Variants in TESK2 observed in about 807,000 individuals in gnomAD.
TESK2 encodes the protein testis associated actin remodelling kinase 2, also known as dual specificity testis-specific protein kinase 2.
Under a neutral mutation model 57.1 loss-of-function variants are expected in TESK2, and 39 were observed. The observed-to-expected ratio is 0.68, with a 90% confidence interval of 0.53 to 0.89. The LOEUF (loss-of-function observed/expected upper bound fraction) is 0.89. Among genes scored for constraint, TESK2 ranks in the 40% least tolerant of loss-of-function variants. The probability of loss-of-function intolerance (pLI) is 0.00; values close to 1 mark genes in which losing one functional copy is unlikely to be tolerated. For synonymous variants in TESK2, 249 were observed against 267.9 expected, an observed-to-expected ratio of 0.93 and a Z score of 0.69; for missense variants, 646 against 732.1, an observed-to-expected ratio of 0.88 and a Z score of 1.36.
intron 3 of TESK2, among the ~76,000 whole-genome samples, chr1:45,417,022 G>A (rs1420760043): frequency 2.6e-5 from 4 of 151,872 alleles, no homozygotes; most frequent in South Asian, 4.2e-4. Flanking sequence ...TCTTGACCTC[G>A]TGATCCACCC....
intron 1 of TESK2, among the ~76,000 whole-genome samples, chr1:45,468,660 T>A (rs1015380806): frequency 6.6e-6 from 1 of 152,224 alleles, no homozygotes; most frequent in East Asian, 1.9e-4. Context: ...ACTAATAGTG[T>A]CCCTCAAAGT....
At chr1:45,373,055 A>T (rs922719814) in intron 4 of TESK2, among the ~76,000 whole-genome samples, 7 of 151,726 alleles carry the variant, frequency 4.6e-5, no homozygotes, top group African/African-American at 1.7e-4. Context: ...AAAGAAAAGA[A>T]AAAGGTCTGG....
At chr1:45,391,390 T>C (rs894566069) in intron 3 of TESK2, among the ~76,000 whole-genome samples, 3 of 151,992 alleles carry the variant, frequency 2.0e-5, no homozygotes, top group African/African-American at 7.3e-5. Context: ...GCAAATTTTT[T>C]AATTTTTTAA....
chr1:45,469,679 C>T (rs1308818594), intron 1 of TESK2, among the ~76,000 whole-genome samples: 8 of 152,212 alleles, frequency 5.3e-5, no homozygotes, highest in African/African-American at 1.9e-4. Context: ...CTACCAGTCT[C>T]TGAGGCAAAA....
intron 1 of TESK2, among the ~76,000 whole-genome samples, chr1:45,463,544 G>GT (rs1354133147): frequency 1.3e-5 from 2 of 151,950 alleles, no homozygotes; most frequent in Non-Finnish European, 2.9e-5. Context: ...TTTATTTCTG[G>GT]GTTCTCTATT....
At chr1:45,395,463 G>A (rs1649317740) in intron 3 of TESK2, among the ~76,000 whole-genome samples, 1 of 152,170 alleles carries the variant, frequency 6.6e-6, no homozygotes, top group Non-Finnish European at 1.5e-5. Flanking sequence ...CATCATGTAT[G>A]CGGTCTGTTG....
At chr1:45,435,852 T>C (rs1230038460) in intron 2 of TESK2, among the ~76,000 whole-genome samples, 5 of 152,014 alleles carry the variant, frequency 3.3e-5, no homozygotes, top group African/African-American at 1.2e-4. Flanking sequence ...TTCATTCTTC[T>C]GCATATATAA....
At chr1:45,420,682 T>A (rs1244553078) in intron 3 of TESK2, among the ~76,000 whole-genome samples, 1 of 151,588 alleles carries the variant, frequency 6.6e-6, no homozygotes, top group Admixed American at 6.6e-5. Flanking sequence ...CTTCCCGGGT[T>A]CAAGCAATTC....
At chr1:45,351,142 T>C (rs940346068) in intron 5 of TESK2, among the ~76,000 whole-genome samples, 1 of 152,220 alleles carries the variant, frequency 6.6e-6, no homozygotes, top group Non-Finnish European at 1.5e-5. Context: ...TGGGCAGTAA[T>C]GGTATTAAGC....
chr1:45,421,929 C>A, intron 2 of TESK2, 83 bp from the exon 3 acceptor site: 1 of 1,471,422 alleles, frequency 6.8e-7, no homozygotes, highest in Non-Finnish European at 9.3e-7. Flanking sequence ...TACAATATGC[C>A]AAGATATTTT....
At chr1:45,487,925 GT>G (rs200214124) in intron 1 of TESK2, among the ~76,000 whole-genome samples, 9 of 148,662 alleles carry the variant, frequency 6.1e-5, no homozygotes, top group Admixed American at 1.3e-4. Context: ...TAGCTCCTGA[GT>G]TTTTTTTTGC....
At chr1:45,383,968 G>A (rs531214746) in intron 4 of TESK2, among the ~76,000 whole-genome samples, 8 of 152,174 alleles carry the variant, frequency 5.3e-5, no homozygotes, top group South Asian at 2.1e-4. Flanking sequence ...CACTAACAGC[G>A]GTATAGGACT....
In TESK2 at chr1:45,347,979, C is replaced by T. The variant is rs145725484; in HGVS notation, c.562G>A (p.Glu188Lys). 3.1e-6 allele frequency: 5 copies of T among 1,613,444 alleles called. No homozygotes were observed. The highest frequency in any genetic ancestry group is 3.3e-5 in the Admixed American group (2 of 60,016). The change falls in exon 6 of 11, where the codon GAG becomes AAG. Residue 188 changes from glutamate to lysine, a missense_variant. By Grantham distance (56) the Glu-to-Lys change is moderately conservative. Transcript: ENST00000372086. ...TSKNCLIKRD[E>K]NGYSAVVADF... is the part of the protein sequence containing the mutation. ...GCTACCACTGCAGAGTAACCATTCT[C>T]ATCCCTCTTTATCAGGCAGTTCTAG...
chr1:45,461,688 C>T (rs1269708693), intron 1 of TESK2, among the ~76,000 whole-genome samples: 1 of 152,158 alleles, frequency 6.6e-6, no homozygotes, highest in African/African-American at 2.4e-5. Context: ...ATGTAAAGTA[C>T]ATAAAACATC....
At chr1:45,435,335 G>A (rs1651152347) in intron 2 of TESK2, among the ~76,000 whole-genome samples, 1 of 151,842 alleles carries the variant, frequency 6.6e-6, no homozygotes, top group African/African-American at 2.4e-5. Context: ...CACCACGTTG[G>A]CCAGGCTAGT....
intron 2 of TESK2, among the ~76,000 whole-genome samples, chr1:45,425,333 G>A: frequency 6.6e-6 from 1 of 152,032 alleles, no homozygotes; most frequent in African/African-American, 2.4e-5. Context: ...TAAATACCTA[G>A]AAATTAAGTT....
At chr1:45,420,059 T>C (rs190196282) in intron 3 of TESK2, among the ~76,000 whole-genome samples, 11 of 152,150 alleles carry the variant, frequency 7.2e-5, no homozygotes, top group African/African-American at 2.2e-4. Flanking sequence ...CCTAAGTAAA[T>C]AGTACTTTAA....
At position 45,457,760 on chromosome 1, in the gene TESK2, A is replaced by G. The variant is rs954700632; in HGVS notation, c.26T>C (p.Ile9Thr). 5 of 1,614,058 alleles carry G rather than the reference A, an allele frequency of 3.1e-6. No homozygotes were observed. Among genetic ancestry groups the G allele is most frequent in the Non-Finnish European group, 4.2e-6 (5 of 1,180,008 alleles). The change falls in exon 2 of 11, where the codon ATT becomes ACT. Residue 9 changes from isoleucine to threonine, a missense_variant. By Grantham distance (89) the Ile-to-Thr change is moderately conservative. Coordinates refer to ENST00000372086, the MANE Select transcript of TESK2 (RefSeq NM_007170.3). MDRSKRNS[I>T]AGFPPRVERL... ...CTCCACACGTGGAGGAAATCCTGCA[A>G]TTGAATTCCGTTTGCTCCGATCCAT... is the stretch of plus-strand genomic sequence containing the variant.
At chr1:45,489,950 C>A (rs1653649418) in intron 1 of TESK2, among the ~76,000 whole-genome samples, 2 of 152,208 alleles carry the variant, frequency 1.3e-5, no homozygotes, top group Admixed American at 6.5e-5. Flanking sequence ...TCAATTAACA[C>A]TACCGATTCA....
Sources: gnomAD v4.1 joint callset for allele counts (sites outside exome capture counted in the v4.1 genomes callset) on GRCh38, gnomAD v4.1.1 for gene constraint, MANE v1.5 for transcripts, NCBI Gene and HGNC (gene_info 2026-07-23, HGNC 2026-07-21) for gene names.